Variants in CA10 observed in about 807,000 individuals in gnomAD.
CA10 encodes the protein carbonic anhydrase-related protein 10.
CA10 carries 14 observed loss-of-function variants against 44.2 expected under a neutral mutation model. The ratio of observed to expected loss-of-function variants is 0.32; its 90% CI spans 0.21 to 0.50. The LOEUF is 0.50. Ranked by LOEUF, CA10 falls within the 20% of genes least tolerant of loss-of-function variation. CA10 has a pLI of 0.99. For synonymous variants in CA10, 159 were observed against 141.6 expected (o/e 1.12, Z -0.87); for missense variants, 350 against 409.7 (o/e 0.85, Z 1.26).
intron 1 of CA10, among the ~76,000 whole-genome samples, chr17:52,088,033 C>T (rs1747479987): frequency 6.6e-6 from 1 of 152,096 alleles, no homozygotes; most frequent in African/African-American, 2.4e-5. Flanking sequence ...GATGAGAGCA[C>T]ATGGACACAT....
chr17:51,766,205 C>G (rs1905374346), intron 3 of CA10, among the ~76,000 whole-genome samples: 1 of 152,138 alleles, frequency 6.6e-6, no homozygotes, highest in African/African-American at 2.4e-5. Context: ...AGAGCAAGGA[C>G]TCCATGTTCA....
chr17:51,919,743 C>G (rs1183827201), intron 3 of CA10, among the ~76,000 whole-genome samples: 1 of 152,162 alleles, frequency 6.6e-6, no homozygotes, highest in Admixed American at 6.5e-5. Flanking sequence ...CCTCCACCTC[C>G]CTGGTTCAAG....
At chr17:52,104,842 C>T (rs745434029) in intron 1 of CA10, among the ~76,000 whole-genome samples, 1 of 152,208 alleles carries the variant, frequency 6.6e-6, no homozygotes, top group Admixed American at 6.5e-5. Context: ...ATTTGCTGCA[C>T]GGATGACAAC....
chr17:51,864,633 A>T (rs1979464176), intron 3 of CA10, among the ~76,000 whole-genome samples: 4 of 152,238 alleles, frequency 2.6e-5, no homozygotes, highest in Admixed American at 2.6e-4. Flanking sequence ...AGAGCTGAGG[A>T]AGTGAAACAG....
At chr17:52,136,104 T>C (rs1315108598) in intron 1 of CA10, among the ~76,000 whole-genome samples, 4 of 152,174 alleles carry the variant, frequency 2.6e-5, no homozygotes, top group Non-Finnish European at 5.9e-5. Context: ...GTCACTGATA[T>C]AAAGCACTGT....
intron 3 of CA10, among the ~76,000 whole-genome samples, chr17:51,897,581 G>T (rs1304157620): frequency 3.3e-5 from 5 of 152,150 alleles, no homozygotes; most frequent in Non-Finnish European, 5.9e-5. Context: ...TTTTAAAATG[G>T]TTTTTTCTAA....
intron 3 of CA10, among the ~76,000 whole-genome samples, chr17:51,803,158 T>G (rs1907001902): frequency 6.6e-6 from 1 of 152,214 alleles, no homozygotes; most frequent in South Asian, 2.1e-4. Context: ...CTCTGATTTG[T>G]GCGCAACTAG....
intron 2 of CA10, among the ~76,000 whole-genome samples, chr17:52,060,775 C>G (rs1053348657): frequency 6.6e-6 from 1 of 152,058 alleles, no homozygotes; most frequent in Non-Finnish European, 1.5e-5. Flanking sequence ...AGAAGTATCA[C>G]CTGTTAATCA....
intron 8 of CA10, among the ~76,000 whole-genome samples, chr17:51,633,009 C>G (rs1309202880): frequency 6.6e-6 from 1 of 152,212 alleles, no homozygotes; most frequent in Non-Finnish European, 1.5e-5. Flanking sequence ...GAAAGCAGGT[C>G]TTTCTTCCAT....
chr17:51,845,013 G>A (rs1294590679), intron 3 of CA10, among the ~76,000 whole-genome samples: 3 of 152,174 alleles, frequency 2.0e-5, no homozygotes, highest in Non-Finnish European at 4.4e-5. Context: ...TGAAGATGGA[G>A]GCAGATATTG....
intron 2 of CA10, among the ~76,000 whole-genome samples, chr17:51,996,663 T>C (rs1005580929): frequency 6.6e-6 from 1 of 152,080 alleles, no homozygotes; most frequent in African/African-American, 2.4e-5. Context: ...TACTTTTCTC[T>C]ACTTGGTAAG....
intron 2 of CA10, among the ~76,000 whole-genome samples, chr17:52,032,345 T>C (rs941233974): frequency 6.6e-6 from 1 of 152,174 alleles, no homozygotes; most frequent in African/African-American, 2.4e-5. Context: ...ATTCCTTTTA[T>C]GCATTGGTCT....
intron 2 of CA10, among the ~76,000 whole-genome samples, chr17:51,982,766 T>A (rs552155976): frequency 1.3e-4 from 20 of 152,012 alleles, no homozygotes; most frequent in African/African-American, 4.6e-4. Context: ...ATATATTTGC[T>A]CATGTCTCTT....
intron 3 of CA10, among the ~76,000 whole-genome samples, chr17:51,772,827 C>T (rs533589631): frequency 1.3e-5 from 2 of 152,300 alleles, no homozygotes; most frequent in South Asian, 2.1e-4. Context: ...GGAATTTTAA[C>T]AGACTTTTAC....
At chr17:51,884,361 C>T (rs1032804167) in intron 3 of CA10, among the ~76,000 whole-genome samples, 19 of 152,298 alleles carry the variant, frequency 1.2e-4, no homozygotes, top group Non-Finnish European at 2.2e-4. Flanking sequence ...CCTCTCACCT[C>T]ATTGCCCTCT....
intron 4 of CA10, among the ~76,000 whole-genome samples, chr17:51,718,857 A>G (rs1916262993): frequency 6.6e-6 from 1 of 152,222 alleles, no homozygotes; most frequent in South Asian, 2.1e-4. Flanking sequence ...CAGAGGTCAC[A>G]GAAGTGTTGA....
chr17:51,927,666 G>A (rs987336156), intron 3 of CA10, among the ~76,000 whole-genome samples: 5 of 152,106 alleles, frequency 3.3e-5, no homozygotes, highest in African/African-American at 1.2e-4. Context: ...ACTTTGGTCT[G>A]AGCAAAAAGA....
chr17:51,686,189 C>T (rs1309613074), intron 4 of CA10, among the ~76,000 whole-genome samples: 1 of 152,174 alleles, frequency 6.6e-6, no homozygotes. Flanking sequence ...AGCTCTCTTG[C>T]TTGTCACCGT....
At chr17:51,638,178 C>A (rs1252431368) in intron 6 of CA10, among the ~76,000 whole-genome samples, 2 of 152,160 alleles carry the variant, frequency 1.3e-5, no homozygotes, top group Non-Finnish European at 2.9e-5. Context: ...AAATTGTGAA[C>A]AAATCAATGG....
Sources: allele counts gnomAD v4.1 joint callset (sites outside exome capture counted in the v4.1 genomes callset), GRCh38; gene constraint gnomAD v4.1.1; transcripts MANE v1.5; gene names NCBI Gene and HGNC (gene_info 2026-07-23, HGNC 2026-07-21).